The following METTL15 variants were observed in gnomAD, a reference collection of about 807,000 sequenced individuals.
METTL15 encodes methyltransferase 15, mitochondrial 12S rRNA N4-cytidine.
Under a neutral mutation model 38.3 loss-of-function variants are expected in METTL15, and 34 were observed. The ratio of observed to expected loss-of-function variants is 0.89; its 90% CI spans 0.68 to 1.18. The LOEUF is 1.18. Among genes scored for constraint, METTL15 ranks in the 50% most tolerant of loss-of-function variants. The pLI, the probability that METTL15 is intolerant of heterozygous loss-of-function variation, is 0.00. For synonymous variants in METTL15, 162 were observed against 170.9 expected, an observed-to-expected ratio of 0.95 and a Z score of 0.41; for missense variants, 438 against 498.4, an observed-to-expected ratio of 0.88 and a Z score of 1.15.
At position 28,460,368 on chromosome 11, in the gene METTL15, C is replaced by CT. The variant is rs1851204388; in HGVS notation, c.*424+36005dup. On this transcript the variant is annotated intron_variant and NMD_transcript_variant, in intron 6 of 7. Coordinates refer to the METTL15 transcript ENST00000532947. ...TCCATTGTTACAGCTTGACAGGACT[C>CT]TATCAAGGGACTGTGTTCTCTCCAA... 2.0e-5 allele frequency among the ~76,000 whole-genome samples: 3 copies of CT among 152,198 alleles called. No homozygotes were observed. The South Asian group carries it at 6.2e-4, about 32-fold the overall frequency.
At chr11:28,194,122 A>ATCTTTCTCTCTTTCTTTCTT (rs1554995567) in intron 3 of METTL15, among the ~76,000 whole-genome samples, 12 of 99,078 alleles carry the variant, frequency 1.2e-4, no homozygotes, top group African/African-American at 4.8e-4. Context: ...TTGATGGTTG[A>ATCTTTCTCTCTTTCTTTCTT]TCTTTCTTTC....
intron 3 of METTL15, among the ~76,000 whole-genome samples, chr11:28,116,492 C>T (rs1366738411): frequency 6.6e-6 from 1 of 152,164 alleles, no homozygotes; most frequent in East Asian, 1.9e-4. Context: ...ACTGGACTGC[C>T]TAGGTTCTAA....
chr11:28,479,299 C>T (rs1055172818), intron 6 of METTL15, among the ~76,000 whole-genome samples: 5 of 152,062 alleles, frequency 3.3e-5, no homozygotes, highest in African/African-American at 1.2e-4. Flanking sequence ...AAATTTCAGT[C>T]CACAAATGTT....
intron 6 of METTL15, among the ~76,000 whole-genome samples, chr11:28,458,454 G>C (rs1851188279): frequency 6.6e-6 from 1 of 152,130 alleles, no homozygotes; most frequent in African/African-American, 2.4e-5. Flanking sequence ...AAGTAGCTTA[G>C]GAAAGATTTG....
chr11:28,336,035 G>T (rs1849897971), downstream of METTL15, among the ~76,000 whole-genome samples: 1 of 152,032 alleles, frequency 6.6e-6, no homozygotes, highest in South Asian at 2.1e-4. Context: ...TTACATTTCT[G>T]GACGTTATGG....
At chr11:28,503,858 G>A (rs751199926) in intron 6 of METTL15, among the ~76,000 whole-genome samples, 3 of 151,692 alleles carry the variant, frequency 2.0e-5, no homozygotes, top group Non-Finnish European at 4.4e-5. Flanking sequence ...TAAATATCCT[G>A]TTATACTGTC....
At chr11:28,458,358 A>G (rs1851187566) in intron 6 of METTL15, among the ~76,000 whole-genome samples, 1 of 152,160 alleles carries the variant, frequency 6.6e-6, no homozygotes, top group Non-Finnish European at 1.5e-5. Flanking sequence ...TATAATTTAT[A>G]TAATTATGTT....
At chr11:28,377,057 G>A (rs1850323233) in intron 5 of METTL15, among the ~76,000 whole-genome samples, 1 of 132,614 alleles carries the variant, frequency 7.5e-6, no homozygotes, top group African/African-American at 2.6e-5. Context: ...TTCCCTTTGA[G>A]GGTAACCCGA....
intron 6 of METTL15, among the ~76,000 whole-genome samples, chr11:28,473,309 A>G (rs1373653059): frequency 6.6e-6 from 1 of 152,180 alleles, no homozygotes; most frequent in Non-Finnish European, 1.5e-5. Context: ...CAAGTGTGGT[A>G]AAATTAATCA....
At chr11:28,141,658 A>T (rs918732991) in intron 3 of METTL15, among the ~76,000 whole-genome samples, 1 of 152,178 alleles carries the variant, frequency 6.6e-6, no homozygotes, top group Admixed American at 6.5e-5. Flanking sequence ...ACTGCACTCC[A>T]GCCTGGTTAA....
At chr11:28,496,044 C>G (rs1267003647) in intron 6 of METTL15, among the ~76,000 whole-genome samples, 2 of 152,088 alleles carry the variant, frequency 1.3e-5, no homozygotes, top group Non-Finnish European at 1.5e-5. Flanking sequence ...GATCCTGGCA[C>G]AAATAGACTG....
Position 28,331,153 on chromosome 11 carries a change from C to T in METTL15, c.*312C>T, listed in dbSNP as rs544399373. The T allele has an allele frequency of 4.1e-4, 75 of 184,956 alleles. No individual in the cohort carries two copies. The highest frequency in any genetic ancestry group is 6.6e-4 in the Non-Finnish European group (60 of 90,944). 11.5% of individuals were successfully genotyped at this position (184,956 alleles called of 1,614,324 possible). A position where few individuals can be genotyped will look rare whatever the true frequency, so the allele number is the denominator to read the frequency against. ...ATACTGTGTTGTGTTTATCTAAATA[C>T]GTAAACTCAAGCTACCAAAGAGAAA... On this transcript the variant is annotated 3_prime_UTR_variant, in exon 7 of 7. Coordinates refer to ENST00000407364, the MANE Select transcript of METTL15 (RefSeq NM_001113528.2).
intron 3 of METTL15, among the ~76,000 whole-genome samples, chr11:28,173,335 A>T (rs937530870): frequency 6.6e-6 from 1 of 152,120 alleles, no homozygotes; most frequent in Admixed American, 6.6e-5. Context: ...GAATTCCTAG[A>T]GAGCTTATTT....
intron 6 of METTL15, among the ~76,000 whole-genome samples, chr11:28,491,825 A>G (rs1443131092): frequency 6.6e-6 from 1 of 152,132 alleles, no homozygotes; most frequent in Non-Finnish European, 1.5e-5. Context: ...AGAGAAAAGT[A>G]TTTACTATGT....
At chr11:28,489,254 T>A (rs746676351) in intron 6 of METTL15, among the ~76,000 whole-genome samples, 17 of 152,162 alleles carry the variant, frequency 1.1e-4, no homozygotes, top group Admixed American at 6.6e-5. Context: ...CCCCTTCCTA[T>A]GCAGTGGATA....
rs540337499 is a variant in METTL15, at chr11:28,476,182, C to T, written c.*425-50296C>T. Among the ~76,000 whole-genome samples the T allele has an allele frequency of 5.3e-5, 8 of 152,308 alleles. No individual in the cohort carries two copies. The East Asian group carries it at 9.7e-4, about 18-fold the overall frequency. On this transcript the variant is annotated intron_variant and NMD_transcript_variant, in intron 6 of 7. Coordinates refer to the METTL15 transcript ENST00000532947. ...AAATATTCCTGGCTTGCAGTCTCAG[C>T]GTGAGAGTATGTGCCAAGCCCAGCC...
rs1851304820 is a variant in METTL15 at position 28,471,736 on chromosome 11, T to C, written c.*424+47372T>C. 1.3e-5 allele frequency among the ~76,000 whole-genome samples: 2 copies of C among 152,072 alleles called. 1 individual carries two copies. The highest frequency in any genetic ancestry group is 4.1e-4 in the South Asian group (2 of 4,830). ...TTCTTTATAACCCCACCCCTGTAGATTTTAACATTGTTGTTTTTAGAAAAA... is the reference window on the plus strand; with the variant it reads ...TTCTTTATAACCCCACCCCTGTAGACTTTAACATTGTTGTTTTTAGAAAAA... On this transcript the variant is annotated intron_variant and NMD_transcript_variant, in intron 6 of 7. Transcript: ENST00000532947.
intron 4 of METTL15, among the ~76,000 whole-genome samples, chr11:28,283,898 A>G (rs1001051551): frequency 6.6e-6 from 1 of 152,192 alleles, no homozygotes; most frequent in African/African-American, 2.4e-5. Flanking sequence ...ACTGAAAATT[A>G]AAGTGAAAGG....
At chr11:28,232,898 A>G (rs1853747410) in intron 4 of METTL15, among the ~76,000 whole-genome samples, 1 of 152,072 alleles carries the variant, frequency 6.6e-6, no homozygotes, top group Admixed American at 6.6e-5. Flanking sequence ...AATATCTAAC[A>G]GGGCTTGACC....
Sources: allele counts gnomAD v4.1 joint callset (sites outside exome capture counted in the v4.1 genomes callset), GRCh38; gene constraint gnomAD v4.1.1; transcripts MANE v1.5; gene names NCBI Gene and HGNC (gene_info 2026-07-23, HGNC 2026-07-21).